CNTNAP2: variants seen among roughly 807,000 people sequenced by gnomAD.
CNTNAP2 encodes the protein contactin-associated protein-like 2.
CNTNAP2 carries 98 observed loss-of-function variants against 155.2 expected under a neutral mutation model. The observed-to-expected ratio is 0.63, with a 90% confidence interval of 0.54 to 0.75. The LOEUF (loss-of-function observed/expected upper bound fraction) is 0.75. Among genes scored for constraint, CNTNAP2 ranks in the 30% least tolerant of loss-of-function variants. CNTNAP2 has a pLI of 0.00. For missense variants in CNTNAP2, 1,727 were observed against 1,688.1 expected, an observed-to-expected ratio of 1.02 and a Z score of -0.40; for synonymous variants, 651 against 631.2, an observed-to-expected ratio of 1.03 and a Z score of -0.47.
chr7:146,582,541 A>T (rs536705743), intron 1 of CNTNAP2, among the ~76,000 whole-genome samples: 3 of 152,308 alleles, frequency 2.0e-5, no homozygotes, highest in Admixed American at 6.5e-5. Context: ...GCAAGCCCTG[A>T]TTTGAAAGTC....
intron 1 of CNTNAP2, among the ~76,000 whole-genome samples, chr7:146,481,021 C>G (rs908415080): frequency 6.6e-6 from 1 of 151,262 alleles, no homozygotes; most frequent in Non-Finnish European, 1.5e-5. Context: ...TTTTTCAAAT[C>G]TCAGAGGTAA....
chr7:146,944,779 G>A (rs939935366), intron 3 of CNTNAP2, among the ~76,000 whole-genome samples: 1 of 152,048 alleles, frequency 6.6e-6, no homozygotes, highest in Non-Finnish European at 1.5e-5. Flanking sequence ...TCGGGAGGCT[G>A]AGGCAGGAGA....
At chr7:147,746,770 G>T (rs186864962) in intron 13 of CNTNAP2, among the ~76,000 whole-genome samples, 1 of 152,068 alleles carries the variant, frequency 6.6e-6, no homozygotes, top group South Asian at 2.1e-4. Context: ...AGAGAACTCC[G>T]TTCTACAAAC....
Position 146,701,390 on chromosome 7 carries a change from T to C in CNTNAP2, c.98-72881T>C, listed in dbSNP as rs1585048418. Reference sequence around the variant, plus strand: ...GAGGTCCAGCAGAATCCTATTAGCATGTTTGTTCTGGGCCAATGCCCATAC... The same window carrying C: ...GAGGTCCAGCAGAATCCTATTAGCACGTTTGTTCTGGGCCAATGCCCATAC... On this transcript the variant is annotated intron_variant, in intron 1 of 23. Coordinates refer to ENST00000361727, the MANE Select transcript of CNTNAP2 (RefSeq NM_014141.6). Among the ~76,000 whole-genome samples the C allele has an allele frequency of 2.0e-5, 3 of 151,954 alleles. No homozygotes were observed. In the East Asian group the frequency reaches 6.0e-4, roughly 30 times the overall value.
chr7:147,603,828 A>C (rs370816839), intron 12 of CNTNAP2, among the ~76,000 whole-genome samples: 1 of 152,280 alleles, frequency 6.6e-6, no homozygotes, highest in South Asian at 2.1e-4. Context: ...ACTATACTAC[A>C]AGGCTACAGT....
rs766917054 is a variant in CNTNAP2 at position 147,242,987 on chromosome 7, A to ATTTTTTTTTTTTTTTTTTTTT, written c.1349-57145_1349-57125dup. ...TGTTGTATTCCACACTATGCTTTGCATTTTTTTTTTTTTTTTTTTTTTTTT... is the reference window on the plus strand; with the variant it reads ...TGTTGTATTCCACACTATGCTTTGCATTTTTTTTTTTTTTTTTTTTTTTTTTTTTTTTTTTTTTTTTTTTTT... On this transcript the variant is annotated intron_variant, in intron 8 of 23. Transcript: ENST00000361727. Among the ~76,000 whole-genome samples, 12 of 47,166 alleles carry ATTTTTTTTTTTTTTTTTTTTT rather than the reference A, an allele frequency of 2.5e-4. 3 individuals carry two copies. The highest frequency in any genetic ancestry group is 6.0e-4 in the African/African-American group (7 of 11,754). The allele number at this position is 47,166 out of a possible 152,430, so 30.9% of individuals were successfully genotyped here.
chr7:147,136,236 C>T (rs2129286145), intron 8 of CNTNAP2, among the ~76,000 whole-genome samples: 1 of 151,980 alleles, frequency 6.6e-6, no homozygotes, highest in African/African-American at 2.4e-5. Flanking sequence ...ATTAACTTCT[C>T]TCCATGTATA....
At chr7:147,148,411 G>A (rs980687704) in intron 8 of CNTNAP2, among the ~76,000 whole-genome samples, 46 of 147,186 alleles carry the variant, frequency 3.1e-4, no homozygotes, top group Non-Finnish European at 5.4e-4. Context: ...AAAAAAAAGT[G>A]GTGGGTATTC....
chr7:147,690,449 C>A (rs1796071059), intron 13 of CNTNAP2, among the ~76,000 whole-genome samples: 1 of 152,090 alleles, frequency 6.6e-6, no homozygotes. Context: ...TCATTACCGA[C>A]CAATGACTAT....
intron 21 of CNTNAP2, among the ~76,000 whole-genome samples, chr7:148,312,598 T>C (rs1797613926): frequency 6.6e-6 from 1 of 152,108 alleles, no homozygotes; most frequent in Admixed American, 6.5e-5. Context: ...TATATGGGTT[T>C]GGCACCACAG....
chr7:147,073,210 C>T (rs1799931785), intron 4 of CNTNAP2, among the ~76,000 whole-genome samples: 1 of 143,270 alleles, frequency 7.0e-6, no homozygotes, highest in African/African-American at 2.9e-5. Flanking sequence ...TACATATATT[C>T]CACAAAATAC....
intron 15 of CNTNAP2, among the ~76,000 whole-genome samples, chr7:148,061,976 T>TAAAC (rs1204905306): frequency 6.5e-5 from 8 of 123,618 alleles, no homozygotes; most frequent in Admixed American, 4.3e-4. Flanking sequence ...GATAGATAGA[T>TAAAC]AGATAGATAG....
At chr7:147,634,058 G>T (rs1795135877) in intron 12 of CNTNAP2, among the ~76,000 whole-genome samples, 1 of 152,174 alleles carries the variant, frequency 6.6e-6, no homozygotes, top group Non-Finnish European at 1.5e-5. Flanking sequence ...ATTCCCTAAA[G>T]AACTAAAGGT....
chr7:146,529,149 C>A (rs1379315082), intron 1 of CNTNAP2, among the ~76,000 whole-genome samples: 5 of 152,108 alleles, frequency 3.3e-5, no homozygotes, highest in African/African-American at 1.2e-4. Context: ...TTTTCTTATG[C>A]ATTTTTTATA....
chr7:146,180,247 G>C (rs1273232586), intron 1 of CNTNAP2, among the ~76,000 whole-genome samples: 1 of 152,016 alleles, frequency 6.6e-6, no homozygotes. Flanking sequence ...CTACTAGTGA[G>C]TTCTTTTGCA....
At chr7:148,031,385 A>C (rs1022152352) in intron 15 of CNTNAP2, among the ~76,000 whole-genome samples, 2 of 152,218 alleles carry the variant, frequency 1.3e-5, no homozygotes, top group African/African-American at 4.8e-5. Flanking sequence ...GCTGAAAGGA[A>C]CTTAAAGCCT....
chr7:148,393,008 C>T (rs1373228159), intron 22 of CNTNAP2, among the ~76,000 whole-genome samples: 2 of 151,958 alleles, frequency 1.3e-5, no homozygotes, highest in East Asian at 3.9e-4. Context: ...GTTATGACTT[C>T]TAAGTTGATT....
In CNTNAP2 at chr7:147,993,099, G is replaced by A. The variant is rs17465050; in HGVS notation, c.2383+15110G>A. Among the ~76,000 whole-genome samples, 321 of 152,308 alleles carry A rather than the reference G, an allele frequency of 2.1e-3. 1 individual carries two copies. Among genetic ancestry groups the A allele is most frequent in the Non-Finnish European group, 3.4e-3 (230 of 68,032 alleles). On this transcript the variant is annotated intron_variant, in intron 15 of 23. Coordinates refer to ENST00000361727, the MANE Select transcript of CNTNAP2 (RefSeq NM_014141.6). ...GATGATAATGTAACCAGTTCACGAC[G>A]TCAGGATTGCTATGAGAGAACCCCG...
intron 15 of CNTNAP2, among the ~76,000 whole-genome samples, chr7:148,075,651 G>C (rs1388450917): frequency 2.6e-5 from 4 of 152,158 alleles, no homozygotes; most frequent in Non-Finnish European, 4.4e-5. Context: ...CTTTTAAAGA[G>C]ATAGAACAAC....
Sources: gnomAD v4.1 joint callset for allele counts (sites outside exome capture counted in the v4.1 genomes callset) on GRCh38, gnomAD v4.1.1 for gene constraint, MANE v1.5 for transcripts, NCBI Gene and HGNC (gene_info 2026-07-23, HGNC 2026-07-21) for gene names.